Variants in GRID1 observed in about 807,000 individuals in gnomAD.
The protein encoded by GRID1 is glutamate ionotropic receptor delta type subunit 1.
A neutral mutation model predicts 98.0 loss-of-function variants in GRID1; 28 were observed. That is an observed-to-expected ratio of 0.29 (90% confidence interval 0.21 to 0.39). GRID1 has a LOEUF of 0.39. Among genes scored for constraint, GRID1 ranks in the 10% least tolerant of loss-of-function variants. The pLI is 1.00. For missense variants in GRID1, 1,111 were observed against 1,340.5 expected (o/e 0.83, Z 2.67); for synonymous variants, 553 against 538.5 (o/e 1.03, Z -0.37).
chr10:85,779,111 A>G (rs1842359495), intron 8 of GRID1, among the ~76,000 whole-genome samples: 1 of 152,176 alleles, frequency 6.6e-6, no homozygotes, highest in Non-Finnish European at 1.5e-5. Context: ...TGTTCATGCA[A>G]CCAAGCTGCT....
chr10:85,814,616 C>A (rs1345334361), intron 8 of GRID1, among the ~76,000 whole-genome samples: 1 of 151,820 alleles, frequency 6.6e-6, no homozygotes, highest in South Asian at 2.1e-4. Context: ...GACATTACTA[C>A]ATACTTTTAA....
intron 4 of GRID1, among the ~76,000 whole-genome samples, chr10:86,061,053 C>A (rs1196244197): frequency 1.3e-5 from 2 of 152,318 alleles, no homozygotes; most frequent in South Asian, 2.1e-4. Context: ...ACCTTGGCCC[C>A]CATGGCACTG....
In GRID1 at chr10:85,702,317, T is replaced by C. The variant is rs146160877; in HGVS notation, c.1997+20686A>G. On this transcript the variant is annotated intron_variant, in intron 12 of 15. Transcript: ENST00000327946. ...TAGTCATTAATATTGCTAAAAGGCA[T>C]GTGAAAACTAAAGAAAATCTAATCT... Among the ~76,000 whole-genome samples, 108 of 151,974 alleles carry C rather than the reference T, an allele frequency of 7.1e-4. 1 individual carries two copies. In the East Asian group the frequency reaches 0.019, roughly 27 times the overall value.
At chr10:85,806,674 C>T (rs958551540) in intron 8 of GRID1, among the ~76,000 whole-genome samples, 1 of 151,942 alleles carries the variant, frequency 6.6e-6, no homozygotes, top group Non-Finnish European at 1.5e-5. Flanking sequence ...AAACATTAGG[C>T]TAATTAAAAG....
At chr10:85,654,112 T>C (rs952002475) in intron 12 of GRID1, among the ~76,000 whole-genome samples, 1 of 152,050 alleles carries the variant, frequency 6.6e-6, no homozygotes, top group African/African-American at 2.4e-5. Flanking sequence ...AGCAGGAAAA[T>C]GCACGCTTCC....
At chr10:86,141,583 C>T (rs1379553301) in intron 3 of GRID1, among the ~76,000 whole-genome samples, 1 of 152,238 alleles carries the variant, frequency 6.6e-6, no homozygotes, top group Admixed American at 6.5e-5. Context: ...TCCACGGGTG[C>T]CAATGAGGGT....
At chr10:85,971,505 C>A (rs939983457) in intron 4 of GRID1, among the ~76,000 whole-genome samples, 5 of 152,032 alleles carry the variant, frequency 3.3e-5, no homozygotes, top group Admixed American at 6.5e-5. Flanking sequence ...AAAAGTCCAA[C>A]AACCCAATTG....
At chr10:85,911,458 T>A (rs778134735) in intron 5 of GRID1, among the ~76,000 whole-genome samples, 18 of 152,248 alleles carry the variant, frequency 1.2e-4, no homozygotes, top group Admixed American at 4.6e-4. Context: ...CGGGAAGAAG[T>A]GGCAAGGGCC....
intron 8 of GRID1, among the ~76,000 whole-genome samples, chr10:85,793,483 G>A (rs1463068998): frequency 6.6e-6 from 1 of 152,124 alleles, no homozygotes; most frequent in African/African-American, 2.4e-5. Context: ...AACTTTATCT[G>A]CATAACCCAG....
At chr10:85,906,676 A>G (rs964041721) in intron 5 of GRID1, among the ~76,000 whole-genome samples, 1 of 152,186 alleles carries the variant, frequency 6.6e-6, no homozygotes, top group African/African-American at 2.4e-5. Context: ...TCCAAAAGTA[A>G]TATAGAAGTA....
At chr10:85,769,788 G>A (rs1276931483) in intron 8 of GRID1, among the ~76,000 whole-genome samples, 1 of 152,232 alleles carries the variant, frequency 6.6e-6, no homozygotes, top group Non-Finnish European at 1.5e-5. Context: ...GCCTGCCATT[G>A]CCCAGGCTTG....
intron 2 of GRID1, among the ~76,000 whole-genome samples, chr10:86,310,932 A>G (rs1346868872): frequency 6.6e-6 from 1 of 152,172 alleles, no homozygotes; most frequent in Non-Finnish European, 1.5e-5. Context: ...AGGGTACAGG[A>G]AGGTGAGCAT....
At chr10:86,170,977 C>T (rs1360313270) in intron 3 of GRID1, among the ~76,000 whole-genome samples, 3 of 152,166 alleles carry the variant, frequency 2.0e-5, no homozygotes, top group Admixed American at 6.5e-5. Flanking sequence ...CTTTTCCCTG[C>T]CTTCAGACCG....
chr10:85,750,149 AC>A (rs1437111752), intron 8 of GRID1, among the ~76,000 whole-genome samples: 1 of 152,184 alleles, frequency 6.6e-6, no homozygotes, highest in African/African-American at 2.4e-5. Flanking sequence ...AGATATGCAT[AC>A]CTATTTTTAC....
intron 8 of GRID1, among the ~76,000 whole-genome samples, chr10:85,758,332 C>A (rs145301660): frequency 3.9e-4 from 60 of 152,330 alleles, no homozygotes; most frequent in Non-Finnish European, 8.2e-4. Flanking sequence ...CAGCTCATCT[C>A]TGCTCCATGT....
intron 12 of GRID1, among the ~76,000 whole-genome samples, chr10:85,689,446 G>GA (rs56015435): frequency 0.031 from 4,543 of 146,684 alleles, 199 homozygotes; most frequent in African/African-American, 0.1. Context: ...CAAAGAAATG[G>GA]AAAAAAAAAA....
At chr10:86,110,783 T>G (rs1044511748) in intron 4 of GRID1, among the ~76,000 whole-genome samples, 1 of 152,224 alleles carries the variant, frequency 6.6e-6, no homozygotes, top group African/African-American at 2.4e-5. Context: ...AGTGTCCATG[T>G]GTGTCAATGT....
At chr10:85,607,978 T>TG (rs986738012) in intron 15 of GRID1, among the ~76,000 whole-genome samples, 4 of 151,872 alleles carry the variant, frequency 2.6e-5, no homozygotes, top group African/African-American at 9.7e-5. Flanking sequence ...CCATCTCACC[T>TG]GGCTAATTAA....
At chr10:85,715,114 G>T (rs1279881309) in intron 12 of GRID1, among the ~76,000 whole-genome samples, 2 of 152,146 alleles carry the variant, frequency 1.3e-5, no homozygotes, top group Non-Finnish European at 2.9e-5. Flanking sequence ...CTTTGACAAA[G>T]TTGCAAAGAA....
Sources: allele counts gnomAD v4.1 joint callset (sites outside exome capture counted in the v4.1 genomes callset), GRCh38; gene constraint gnomAD v4.1.1; transcripts MANE v1.5; gene names NCBI Gene and HGNC (gene_info 2026-07-23, HGNC 2026-07-21).